DIAPH3: variants seen among roughly 807,000 people sequenced by gnomAD.
The protein encoded by DIAPH3 is protein diaphanous homolog 3.
DIAPH3 carries 117 observed loss-of-function variants against 144.3 expected under a neutral mutation model. That is an observed-to-expected ratio of 0.81 (90% CI 0.70 to 0.95). The LOEUF is 0.95. Among genes scored for constraint, DIAPH3 ranks in the 40% least tolerant of loss-of-function variants. DIAPH3 has a pLI of 0.00. For synonymous variants in DIAPH3, 519 were observed against 488.9 expected, an observed-to-expected ratio of 1.06 and a Z score of -0.81; for missense variants, 1,421 against 1,412.7, an observed-to-expected ratio of 1.01 and a Z score of -0.09.
At position 59,879,012 on chromosome 13, in the gene DIAPH3, T is replaced by G. The variant is rs544548234; in HGVS notation, c.2607+217A>C. On this transcript the variant is annotated intron_variant, in intron 21 of 27. Coordinates refer to ENST00000400324, the MANE Select transcript of DIAPH3 (RefSeq NM_001042517.2). ...ATAATTTTGTTATTAAATAAAATCC[T>G]TGAATTGGATTTGCAGATTGAAGAA... Among the ~76,000 whole-genome samples, 22 of 152,272 alleles carry G rather than the reference T, an allele frequency of 1.4e-4. No individual in the cohort carries two copies. The South Asian group carries it at 4.6e-3, about 32-fold the overall frequency.
intron 21 of DIAPH3, among the ~76,000 whole-genome samples, chr13:59,872,403 T>A (rs989700355): frequency 2.0e-5 from 3 of 152,172 alleles, no homozygotes; most frequent in African/African-American, 7.2e-5. Flanking sequence ...CTGGTATATC[T>A]CAGGTGATAT....
chr13:59,977,857 G>A (rs17057492), intron 14 of DIAPH3, among the ~76,000 whole-genome samples: 11,795 of 151,770 alleles, frequency 0.078, 1,365 homozygotes, highest in African/African-American at 0.25. Flanking sequence ...TTTTTAGGGA[G>A]AAGAAAGATA....
At chr13:59,718,827 G>A (rs1659601193) in intron 27 of DIAPH3, among the ~76,000 whole-genome samples, 1 of 152,002 alleles carries the variant, frequency 6.6e-6, no homozygotes, top group Non-Finnish European at 1.5e-5. Flanking sequence ...AAAGGTTGGA[G>A]AATATCTTTC....
At chr13:59,898,156 A>G (rs1338158703) in intron 20 of DIAPH3, among the ~76,000 whole-genome samples, 1 of 137,364 alleles carries the variant, frequency 7.3e-6, no homozygotes, top group Non-Finnish European at 1.6e-5. Context: ...AAAAAAAAAA[A>G]GAAAAAGAAA....
At chr13:60,060,220 T>A (rs1303986995) in intron 4 of DIAPH3, among the ~76,000 whole-genome samples, 1 of 152,044 alleles carries the variant, frequency 6.6e-6, no homozygotes, top group Non-Finnish European at 1.5e-5. Flanking sequence ...TTCTTCATAT[T>A]AATAATAGTA....
intron 17 of DIAPH3, among the ~76,000 whole-genome samples, chr13:59,946,181 T>A (rs1180527690): frequency 6.6e-6 from 1 of 152,212 alleles, no homozygotes; most frequent in East Asian, 1.9e-4. Flanking sequence ...CTAGTAACTT[T>A]ACAATCCTAT....
At chr13:60,119,179 CCTT>C (rs2058771280) in intron 2 of DIAPH3, among the ~76,000 whole-genome samples, 1 of 152,112 alleles carries the variant, frequency 6.6e-6, no homozygotes, top group South Asian at 2.1e-4. Flanking sequence ...TTGTTTTGCT[CCTT>C]CTTGGGAGTA....
At chr13:60,032,060 T>C (rs992056111) in intron 5 of DIAPH3, among the ~76,000 whole-genome samples, 2 of 152,138 alleles carry the variant, frequency 1.3e-5, no homozygotes, top group African/African-American at 4.8e-5. Flanking sequence ...AAAATAATCT[T>C]CTTGACTCTG....
Position 59,721,607 on chromosome 13 carries a change from C to T in DIAPH3, c.3319+52582G>A, listed in dbSNP as rs552122978. On this transcript the variant is annotated intron_variant, in intron 27 of 27. Transcript: ENST00000400324. ...CAAGGAAAAGAAATGAGTGTAATAGCCCTATAAATATTTGTGGATTGTCAC... is the reference window on the plus strand; with the variant it reads ...CAAGGAAAAGAAATGAGTGTAATAGTCCTATAAATATTTGTGGATTGTCAC... Among the ~76,000 whole-genome samples, 27 of 152,188 alleles carry T rather than the reference C, an allele frequency of 1.8e-4. No homozygotes were observed. The South Asian group carries it at 5.4e-3, about 30-fold the overall frequency.
chr13:60,147,590 G>A (rs757930624), intron 1 of DIAPH3, among the ~76,000 whole-genome samples: 19 of 152,294 alleles, frequency 1.2e-4, no homozygotes, highest in Admixed American at 3.3e-4. Flanking sequence ...ATGCACAGAG[G>A]ACACTGGAAT....
At chr13:59,731,650 G>A (rs2035895389) in intron 27 of DIAPH3, among the ~76,000 whole-genome samples, 1 of 152,128 alleles carries the variant, frequency 6.6e-6, no homozygotes, top group African/African-American at 2.4e-5. Flanking sequence ...CTTAGAAACA[G>A]AATGAGTGAG....
intron 27 of DIAPH3, among the ~76,000 whole-genome samples, chr13:59,670,315 A>G (rs2032285762): frequency 6.6e-6 from 1 of 152,192 alleles, no homozygotes; most frequent in African/African-American, 2.4e-5. Context: ...AGAGTTTTTT[A>G]AAAGATGTTT....
In DIAPH3 at chr13:60,112,118, C is replaced by T; in HGVS notation, c.282G>A (p.Lys94=). The T allele has an allele frequency of 6.2e-7, 1 of 1,614,136 alleles. No individual in the cohort carries two copies. Among genetic ancestry groups the T allele is most frequent in the Non-Finnish European group, 8.5e-7 (1 of 1,180,014 alleles). The part of the protein sequence containing the change: ...KKERPPLPNL[K]TAFASSDCSA... ...AGCAATCACTGCTTGCAAATGCAGT[C>T]TTCAGGTTGGGAAGTGGAGGTCTCT... Residue 94 remains lysine, a synonymous_variant, in exon 3 of 28, where the codon AAG becomes AAA. Transcript: ENST00000400324.
intron 3 of DIAPH3, among the ~76,000 whole-genome samples, chr13:60,103,154 C>T (rs7981981): frequency 1.5e-4 from 23 of 151,588 alleles, no homozygotes; most frequent in African/African-American, 4.6e-4. Context: ...TTAGCAAAAC[C>T]GAGGTGGGGG....
At chr13:59,754,358 C>T (rs754847526) in intron 27 of DIAPH3, among the ~76,000 whole-genome samples, 7 of 152,156 alleles carry the variant, frequency 4.6e-5, no homozygotes, top group Non-Finnish European at 8.8e-5. Flanking sequence ...GCAAATAATA[C>T]ACTCAACAGC....
At chr13:59,873,677 CT>C (rs57461813) in intron 21 of DIAPH3, among the ~76,000 whole-genome samples, 75,914 of 128,852 alleles carry the variant, frequency 0.59, 21,909 homozygotes, top group Admixed American at 0.68. Context: ...ACCACTTTTT[CT>C]TTTTTTTTTT....
At chr13:59,937,294 T>A (rs1374713138) in intron 17 of DIAPH3, among the ~76,000 whole-genome samples, 6 of 152,148 alleles carry the variant, frequency 3.9e-5, no homozygotes, top group African/African-American at 1.4e-4. Flanking sequence ...AGTTAATGTA[T>A]GACATACGAA....
At chr13:59,677,561 G>T (rs913741386) in intron 27 of DIAPH3, among the ~76,000 whole-genome samples, 1 of 152,030 alleles carries the variant, frequency 6.6e-6, no homozygotes, top group Non-Finnish European at 1.5e-5. Context: ...AATCAAATGT[G>T]TATTTCATAC....
At chr13:60,155,876 G>C (rs1457554381) in intron 1 of DIAPH3, among the ~76,000 whole-genome samples, 1 of 152,114 alleles carries the variant, frequency 6.6e-6, no homozygotes, top group Non-Finnish European at 1.5e-5. Context: ...ATTGTAATTT[G>C]GTTATCGTCT....
Sources: allele counts gnomAD v4.1 joint callset (sites outside exome capture counted in the v4.1 genomes callset), GRCh38; gene constraint gnomAD v4.1.1; transcripts MANE v1.5; gene names NCBI Gene and HGNC (gene_info 2026-07-23, HGNC 2026-07-21).